Variants in SNTG1 observed in about 807,000 individuals in gnomAD.
SNTG1 encodes gamma-1-syntrophin.
SNTG1 carries 39 observed loss-of-function variants against 74.7 expected under a neutral mutation model. The ratio of observed to expected loss-of-function variants is 0.52; its 90% CI spans 0.40 to 0.68. The LOEUF (loss-of-function observed/expected upper bound fraction) is 0.68, where lower values mean the gene tolerates loss of function less well. Among genes scored for constraint, SNTG1 ranks in the 30% least tolerant of loss-of-function variants. SNTG1 has a pLI of 0.00. For missense variants in SNTG1, 685 were observed against 609.5 expected (o/e 1.12, Z -1.30); for synonymous variants, 254 against 217.1 (o/e 1.17, Z -1.49).
intron 10 of SNTG1, among the ~76,000 whole-genome samples, chr8:50,533,286 C>T (rs1372503212): frequency 6.6e-6 from 1 of 152,204 alleles, no homozygotes; most frequent in Non-Finnish European, 1.5e-5. Context: ...TTAATACATC[C>T]TATGCCACCA....
intron 13 of SNTG1, among the ~76,000 whole-genome samples, chr8:50,652,691 G>A (rs1001322889): frequency 6.6e-6 from 1 of 152,078 alleles, no homozygotes; most frequent in African/African-American, 2.4e-5. Context: ...CGGTTACTCG[G>A]GAGGCTGAGG....
At chr8:50,054,990 A>C (rs908427209) in intron 1 of SNTG1, among the ~76,000 whole-genome samples, 3 of 152,026 alleles carry the variant, frequency 2.0e-5, no homozygotes, top group African/African-American at 7.2e-5. Flanking sequence ...CTAGGCCTTC[A>C]ATTTTTTTTA....
chr8:50,171,610 C>T (rs1225023994), intron 1 of SNTG1, among the ~76,000 whole-genome samples: 1 of 152,150 alleles, frequency 6.6e-6, no homozygotes, highest in African/African-American at 2.4e-5. Context: ...ATCCTTCAAT[C>T]CAATTAAGTT....
intron 13 of SNTG1, among the ~76,000 whole-genome samples, chr8:50,605,075 C>A (rs1225683546): frequency 6.6e-6 from 1 of 152,142 alleles, no homozygotes; most frequent in African/African-American, 2.4e-5. Flanking sequence ...CACAACTCTG[C>A]CCTGTGCCCT....
Position 50,658,609 on chromosome 8 carries a change from G to A in SNTG1, c.984G>A (p.Trp328Ter). The A allele has an allele frequency of 6.2e-7, 1 of 1,609,448 alleles. No individual in the cohort carries two copies. ...TTTTAAAGGTGACCACCTGGGACTG[G>A]ACGAGAGCAGAGAAAACATTCTCAG... ...FLAPPVTTWD[W>*]TRAEKTFSVY... The change falls in exon 15 of 19, where the codon TGG becomes TGA. Residue 328 changes from tryptophan to a stop codon, truncating the protein, a stop_gained. Transcript: ENST00000642720. LOFTEE classifies it high-confidence loss of function.
At chr8:50,351,995 A>G (rs1174465832) in intron 2 of SNTG1, among the ~76,000 whole-genome samples, 1 of 152,210 alleles carries the variant, frequency 6.6e-6, no homozygotes, top group Non-Finnish European at 1.5e-5. Context: ...ATATCCTGCC[A>G]TAGAGATTTT....
At chr8:50,540,461 G>A (rs73585160) in intron 11 of SNTG1, among the ~76,000 whole-genome samples, 3,820 of 152,178 alleles carry the variant, frequency 0.025, 153 homozygotes, top group African/African-American at 0.086. Flanking sequence ...TAAAGGATGA[G>A]TATTGTCATT....
chr8:50,036,109 A>G (rs1482719642), intron 1 of SNTG1, among the ~76,000 whole-genome samples: 1 of 152,226 alleles, frequency 6.6e-6, no homozygotes, highest in Non-Finnish European at 1.5e-5. Context: ...ATGTGCAACT[A>G]TAAGAATATA....
At chr8:50,200,304 A>T (rs148198037) in intron 2 of SNTG1, among the ~76,000 whole-genome samples, 1 of 152,312 alleles carries the variant, frequency 6.6e-6, no homozygotes, top group East Asian at 1.9e-4. Context: ...TATCTCAGGC[A>T]GTTTAGCTCT....
chr8:50,221,841 G>A (rs535608461), intron 2 of SNTG1, among the ~76,000 whole-genome samples: 4 of 152,106 alleles, frequency 2.6e-5, no homozygotes, highest in African/African-American at 9.7e-5. Flanking sequence ...TCAAGACAGG[G>A]GAATTGCAAT....
chr8:50,045,599 G>C (rs1819016158), intron 1 of SNTG1, among the ~76,000 whole-genome samples: 2 of 151,942 alleles, frequency 1.3e-5, no homozygotes, highest in South Asian at 4.2e-4. Context: ...TTGGGGAGGG[G>C]GTCCTCAGTT....
intron 1 of SNTG1, among the ~76,000 whole-genome samples, chr8:49,933,819 T>A (rs1013537325): frequency 2.0e-5 from 3 of 152,224 alleles, no homozygotes; most frequent in Admixed American, 6.5e-5. Flanking sequence ...TTGATGCTTA[T>A]TAATTCATGT....
intron 18 of SNTG1, among the ~76,000 whole-genome samples, chr8:50,787,018 CTGAG>C (rs1433193898): frequency 6.6e-6 from 1 of 151,642 alleles, no homozygotes; most frequent in Non-Finnish European, 1.5e-5. Context: ...AGCACTTGTG[CTGAG>C]TAATACTATA....
intron 9 of SNTG1, among the ~76,000 whole-genome samples, chr8:50,521,415 A>G (rs1299307065): frequency 1.3e-5 from 2 of 152,182 alleles, no homozygotes; most frequent in East Asian, 3.9e-4. Flanking sequence ...CTTAAAGTAC[A>G]ATAAAAAATA....
chr8:50,608,519 T>C (rs1290445231), intron 13 of SNTG1, among the ~76,000 whole-genome samples: 3 of 151,874 alleles, frequency 2.0e-5, no homozygotes, highest in Admixed American at 6.6e-5. Flanking sequence ...TGCTTTTCCA[T>C]CTCTCTTATG....
At chr8:50,389,473 T>C (rs538411552) in intron 2 of SNTG1, among the ~76,000 whole-genome samples, 1 of 152,348 alleles carries the variant, frequency 6.6e-6, no homozygotes, top group South Asian at 2.1e-4. Flanking sequence ...TTCCCCTTCC[T>C]GTGTCCAAGT....
intron 1 of SNTG1, among the ~76,000 whole-genome samples, chr8:49,955,043 A>G (rs746920977): frequency 4.6e-5 from 7 of 152,188 alleles, no homozygotes. Context: ...GCTTGGCACA[A>G]TTTTAATATT....
chr8:50,176,096 A>C (rs2082989558), intron 2 of SNTG1, among the ~76,000 whole-genome samples: 1 of 152,106 alleles, frequency 6.6e-6, no homozygotes, highest in Admixed American at 6.5e-5. Context: ...TATTATAATA[A>C]AACACTTAAC....
intron 6 of SNTG1, 36 bp from the exon 7 acceptor site, chr8:50,450,520 G>A: frequency 1.2e-6 from 2 of 1,606,786 alleles, no homozygotes; most frequent in Non-Finnish European, 1.7e-6. Flanking sequence ...AACAAAAACA[G>A]TCAATGCATT....
Sources: allele counts gnomAD v4.1 joint callset (sites outside exome capture counted in the v4.1 genomes callset), GRCh38; gene constraint gnomAD v4.1.1; transcripts MANE v1.5; gene names NCBI Gene and HGNC (gene_info 2026-07-23, HGNC 2026-07-21).